CAST: variants seen among roughly 807,000 people sequenced by gnomAD.
The protein encoded by CAST is MIR583 host.
Under a neutral mutation model 119.6 loss-of-function variants are expected in CAST, and 76 were observed. The observed-to-expected ratio is 0.64, with a 90% CI of 0.53 to 0.77. CAST has a LOEUF of 0.77. Ranked by LOEUF, CAST falls within the 30% of genes least tolerant of loss-of-function variation. The pLI is 0.00. For synonymous variants in CAST, 319 were observed against 331.6 expected (o/e 0.96, Z 0.41); for missense variants, 953 against 946.5 (o/e 1.01, Z -0.09).
chr5:96,060,953 T>C, the CAST span, among the ~76,000 whole-genome samples: 2 of 152,174 alleles, frequency 1.3e-5, no homozygotes, highest in Non-Finnish European at 2.9e-5. Flanking sequence ...CACTGTGTTC[T>C]CATATGGCCT....
At chr5:96,241,062 T>A in the CAST span, among the ~76,000 whole-genome samples, 104 of 152,250 alleles carry the variant, frequency 6.8e-4, no homozygotes, top group Non-Finnish European at 1.2e-3. Flanking sequence ...GAATTTTTTT[T>A]AAATTTATTA....
the CAST span, among the ~76,000 whole-genome samples, chr5:96,229,311 C>A: frequency 6.6e-6 from 1 of 151,218 alleles, no homozygotes. Flanking sequence ...ATTTTGCTTT[C>A]CCATAGGCCA....
the CAST span, among the ~76,000 whole-genome samples, chr5:96,057,233 T>C: frequency 6.6e-6 from 1 of 152,112 alleles, no homozygotes; most frequent in Non-Finnish European, 1.5e-5. Context: ...GAGAAACCTT[T>C]AGGCAGAACT....
At chr5:96,228,992 G>T in the CAST span, among the ~76,000 whole-genome samples, 1 of 151,314 alleles carries the variant, frequency 6.6e-6, no homozygotes. Flanking sequence ...TTATCTGATT[G>T]GTTTTCCTCT....
At chr5:96,154,573 G>C in the CAST span, among the ~76,000 whole-genome samples, 1 of 152,004 alleles carries the variant, frequency 6.6e-6, no homozygotes, top group African/African-American at 2.4e-5. Context: ...TAATTTTTAC[G>C]TAATGTCCTT....
chr5:96,171,483 C>T, the CAST span, among the ~76,000 whole-genome samples: 4 of 152,244 alleles, frequency 2.6e-5, 1 homozygote, highest in Admixed American at 2.6e-4. Context: ...AATTGACTTG[C>T]CACCAAGGGA....
chr5:95,962,023 G>T, the CAST span: 15 of 408,828 alleles, frequency 3.7e-5, no homozygotes, highest in East Asian at 1.4e-4. Context: ...CTCCTGGGAC[G>T]GGACGTCCGA....
chr5:96,215,320 A>G, the CAST span: 1 of 152,172 alleles, frequency 6.6e-6, no homozygotes, highest in African/African-American at 2.4e-5. Flanking sequence ...AAAAATTTTT[A>G]AATATTTATA....
At chr5:96,272,542 T>G in the CAST span, among the ~76,000 whole-genome samples, 4 of 152,050 alleles carry the variant, frequency 2.6e-5, no homozygotes, top group Middle Eastern at 3.2e-3. Flanking sequence ...ATGTGAGAGC[T>G]AAAAAAGTGG....
the CAST span, among the ~76,000 whole-genome samples, chr5:96,499,325 C>A: frequency 6.6e-6 from 1 of 152,188 alleles, no homozygotes; most frequent in Non-Finnish European, 1.5e-5. Context: ...TGCAATAATG[C>A]AAGTCACAAG....
the CAST span, among the ~76,000 whole-genome samples, chr5:96,251,498 C>G: frequency 6.6e-6 from 1 of 152,040 alleles, no homozygotes; most frequent in South Asian, 2.1e-4. Context: ...TCCTCCCTCC[C>G]CTACATAGCT....
At chr5:96,096,076 C>G in the CAST span, among the ~76,000 whole-genome samples, 11 of 152,310 alleles carry the variant, frequency 7.2e-5, no homozygotes, top group South Asian at 2.3e-3. Context: ...ACCTCATTAT[C>G]AGTAACTTCA....
At chr5:96,161,121 A>G in the CAST span, among the ~76,000 whole-genome samples, 1 of 152,012 alleles carries the variant, frequency 6.6e-6, no homozygotes, top group Non-Finnish European at 1.5e-5. Context: ...TGTGAAGACC[A>G]ATTTATTTTT....
chr5:96,423,320 G>A, the CAST span: 3 of 1,608,686 alleles, frequency 1.9e-6, no homozygotes, highest in Non-Finnish European at 2.5e-6. Context: ...TACATAGTTG[G>A]CATAAATGTC....
At chr5:96,487,510 G>A in the CAST span, among the ~76,000 whole-genome samples, 1 of 152,146 alleles carries the variant, frequency 6.6e-6, no homozygotes, top group Non-Finnish European at 1.5e-5. Context: ...TCTCTCATGA[G>A]CTTGGGTTAA....
chr5:96,359,567 G>A, the CAST span, among the ~76,000 whole-genome samples: 359 of 152,250 alleles, frequency 2.4e-3, 4 homozygotes, highest in Non-Finnish European at 3.2e-3. Flanking sequence ...GTCTGTAAAG[G>A]ACTTTATTTT....
At chr5:96,147,589 C>T in the CAST span, among the ~76,000 whole-genome samples, 1 of 151,128 alleles carries the variant, frequency 6.6e-6, no homozygotes, top group Non-Finnish European at 1.5e-5. Context: ...GGCGACAGAG[C>T]GAGACTCCGT....
At chr5:96,284,088 C>T in the CAST span, among the ~76,000 whole-genome samples, 1 of 152,052 alleles carries the variant, frequency 6.6e-6, no homozygotes, top group African/African-American at 2.4e-5. Context: ...CCTTCTGCAA[C>T]TGTTCACTAC....
the CAST span, among the ~76,000 whole-genome samples, chr5:96,297,946 G>T: frequency 6.6e-6 from 1 of 152,158 alleles, no homozygotes; most frequent in Non-Finnish European, 1.5e-5. Flanking sequence ...TGGTGAATGT[G>T]CGGGTGCTCT....
Sources: gnomAD v4.1 joint callset for allele counts (sites outside exome capture counted in the v4.1 genomes callset) on GRCh38, gnomAD v4.1.1 for gene constraint, MANE v1.5 for transcripts, NCBI Gene and HGNC (gene_info 2026-07-23, HGNC 2026-07-21) for gene names.